The following VWF variants were observed in gnomAD, a reference collection of about 807,000 sequenced individuals.
VWF encodes the protein Factor VIII related antigen.
In VWF, 176 loss-of-function variants were observed where a neutral mutation model predicts 308.6. The ratio of observed to expected loss-of-function variants is 0.57; its 90% CI spans 0.50 to 0.65. The LOEUF is 0.65. VWF is among the 30% of genes least tolerant of loss of function. The pLI is 0.00. For missense variants in VWF, 3,146 were observed against 3,648.2 expected, an observed-to-expected ratio of 0.86 and a Z score of 3.55; for synonymous variants, 1,385 against 1,443.4, an observed-to-expected ratio of 0.96 and a Z score of 0.92.
chr12:6,000,778 C>G (rs1251641730), intron 34 of VWF, among the ~76,000 whole-genome samples: 1 of 138,400 alleles, frequency 7.2e-6, no homozygotes, highest in Non-Finnish European at 1.5e-5. Flanking sequence ...CGCCTCTGCA[C>G]TCCAGCCTGA....
chr12:6,090,666 C>CT (rs1945024677), intron 6 of VWF, among the ~76,000 whole-genome samples: 1 of 151,264 alleles, frequency 6.6e-6, no homozygotes, highest in African/African-American at 2.4e-5. Context: ...CATCATGGCT[C>CT]TTAACAGTTG....
At chr12:6,121,635 A>G (rs950309711) in intron 2 of VWF, among the ~76,000 whole-genome samples, 1 of 152,226 alleles carries the variant, frequency 6.6e-6, no homozygotes, top group African/African-American at 2.4e-5. Flanking sequence ...CATACAGAAG[A>G]AAACAAAGAA....
intron 36 of VWF, 30 bp from the exon 37 acceptor site, chr12:5,994,233 A>G: frequency 6.2e-7 from 1 of 1,612,784 alleles, no homozygotes; most frequent in Non-Finnish European, 8.5e-7. Flanking sequence ...AAAAAAAGAT[A>G]AACTGAGTGG....
At chr12:5,971,578 G>C in intron 44 of VWF, 21 bp downstream of exon 44, 2 of 1,606,028 alleles carry the variant, frequency 1.2e-6, no homozygotes, top group Non-Finnish European at 1.7e-6. Context: ...CCTCCTCCCC[G>C]TCCCGGGGGC....
intron 5 of VWF, among the ~76,000 whole-genome samples, chr12:6,103,371 T>TGTGTGTATACACGTGTGTGTATACAC (rs1249648271): frequency 7.4e-6 from 1 of 134,440 alleles, no homozygotes; most frequent in East Asian, 2.1e-4. Flanking sequence ...TATATATGTG[T>TGTGTGTATACACGTGTGTGTATACAC]GTGTGTGTAT....
chr12:5,978,903 AGCCCAGCACGCCTTATT>A (rs1943561456), intron 42 of VWF, among the ~76,000 whole-genome samples: 1 of 152,222 alleles, frequency 6.6e-6, no homozygotes, highest in Non-Finnish European at 1.5e-5. Context: ...GCCCAGGGTG[AGCCCAGCACGCCTTATT>A]GTTTCAGAAA....
rs1591848451 is a variant in VWF at position 5,994,032 on chromosome 12, A to C, written c.6428T>G (p.Leu2143Arg). Residue 2143 changes from leucine (L) to arginine (R), a missense_variant, in exon 37 of 52, where the codon CTC (leucine) becomes CGC (arginine). Transcript: ENST00000261405. ...VPDSSHCQVL[L>R]LPLFAECHKV... ...GTGGCATTCAGCAAACAGTGGTAAG[A>C]GGAGGACCTGGCAGTGGGAGCTGTC... is the stretch of plus-strand genomic sequence containing the variant. 2 of 1,614,178 alleles carry C rather than the reference A, an allele frequency of 1.2e-6. No individual in the cohort carries two copies. Among genetic ancestry groups the C allele is most frequent in the Admixed American group, 3.3e-5 (2 of 60,020 alleles).
rs765542489 is a variant in VWF at position 6,016,228 on chromosome 12, A to G, written c.5316T>C (p.Asp1772=). Residue 1772 remains aspartate (D), a synonymous_variant, in exon 31 of 52, where the codon GAT becomes GAC. Coordinates refer to ENST00000261405, the MANE Select transcript of VWF (RefSeq NM_000552.5). ...AGTATCGCACAGCAAAGCCCAAGGC[A>G]TCCCCTGAGGATGGAGAACAGATCA... is the stretch of plus-strand genomic sequence containing the variant. ...QREGGPSQIG[D]ALGFAVRYLT... 1 of 1,614,240 alleles carries G rather than the reference A, an allele frequency of 6.2e-7. No individual in the cohort carries two copies. The highest frequency in any genetic ancestry group is 8.5e-7 in the Non-Finnish European group (1 of 1,180,040).
At chr12:6,056,753 C>A in intron 15 of VWF, 104 bp downstream of exon 15, 1 of 1,030,684 alleles carries the variant, frequency 9.7e-7, no homozygotes, top group Non-Finnish European at 1.3e-6. Context: ...CAATGCCCTA[C>A]GCCCTCTTTC....
In VWF at chr12:6,019,876, C is replaced by G; in HGVS notation, c.3675-133G>C. ...CCACCTGAACTTGAGATCCCATGGACCATTCCACATCCAAGTGAGATGTCA... is the reference window on the plus strand; with the variant it reads ...CCACCTGAACTTGAGATCCCATGGAGCATTCCACATCCAAGTGAGATGTCA... On this transcript the variant is annotated intron_variant, in intron 27 of 51. Coordinates refer to ENST00000261405, the MANE Select transcript of VWF (RefSeq NM_000552.5). The surrounding 1 kb of genome is among the most constrained non-coding windows in gnomAD (Gnocchi z 5.8). 1 of 1,022,786 alleles carries G rather than the reference C, an allele frequency of 9.8e-7. No homozygotes were observed. Among genetic ancestry groups the G allele is most frequent in the Admixed American group, 2.0e-5 (1 of 50,190 alleles). 63.4% of individuals were successfully genotyped at this position (1,022,786 alleles called of 1,614,324 possible). A position where few individuals can be genotyped will look rare whatever the true frequency, so the allele number is the denominator to read the frequency against.
intron 10 of VWF, 67 bp downstream of exon 10, chr12:6,071,230 G>T: frequency 6.3e-7 from 1 of 1,584,402 alleles, no homozygotes; most frequent in Non-Finnish European, 8.7e-7. Flanking sequence ...TCCCTGTCTG[G>T]TAAGAGAGGA....
intron 34 of VWF, among the ~76,000 whole-genome samples, chr12:6,005,602 C>T (rs1224355025): frequency 6.6e-6 from 1 of 152,092 alleles, no homozygotes; most frequent in East Asian, 1.9e-4. Context: ...AAGACAAAAA[C>T]AGAATTTTGA....
chr12:6,079,353 T>C (rs768029477), intron 6 of VWF, among the ~76,000 whole-genome samples: 4 of 152,116 alleles, frequency 2.6e-5, no homozygotes, highest in South Asian at 2.1e-4. Flanking sequence ...ACACCTGTAA[T>C]CCCAGCACTT....
rs768614382 is a variant in VWF at position 5,949,796 on chromosome 12, T to C, written c.8243A>G (p.His2748Arg). 1.2e-6 allele frequency: 2 copies of C among 1,614,168 alleles called. No individual in the cohort carries two copies. The highest frequency in any genetic ancestry group is 1.7e-6 in the Non-Finnish European group (2 of 1,180,028). Residue 2748 changes from histidine to arginine, a missense_variant, in exon 51 of 52, where the codon CAC (histidine) becomes CGC (arginine). By Grantham distance (29) the His-to-Arg change is conservative (BLOSUM62 0). This residue lies in a region of VWF where 989 missense variants were observed against 1,117.4 expected (regional missense o/e 0.89). Coordinates refer to ENST00000261405, the MANE Select transcript of VWF (RefSeq NM_000552.5). ...AAGCAGAGCCCTTACCTGGCAGTAG[T>C]GGATATCCACCTCTACTTCAGACTT... ...SCKSEVEVDI[H>R]YCQGKCASKA...
intron 18 of VWF, among the ~76,000 whole-genome samples, chr12:6,036,791 C>T (rs985281126): frequency 2.0e-5 from 3 of 152,212 alleles, no homozygotes; most frequent in Non-Finnish European, 4.4e-5. Context: ...GGCACTGTAA[C>T]CTGGACATTT....
At chr12:6,093,555 C>T (rs1945073521) in intron 6 of VWF, among the ~76,000 whole-genome samples, 2 of 152,318 alleles carry the variant, frequency 1.3e-5, no homozygotes, top group East Asian at 3.9e-4. Flanking sequence ...ACGTCCCGCC[C>T]AGGGAGGCTG....
chr12:5,999,965 C>CA lies in VWF; in HGVS notation c.5843-3744dup, dbSNP rs199554272. Among the ~76,000 whole-genome samples the CA allele has an allele frequency of 2.6e-3, 378 of 142,850 alleles. 4 individuals carry two copies. Among genetic ancestry groups the CA allele is most frequent in the South Asian group, 0.016 (71 of 4,396 alleles). The allele number at this position is 142,850 out of a possible 152,430, so 93.7% of individuals were successfully genotyped here. A position where few individuals can be genotyped will look rare whatever the true frequency, so the allele number is the denominator to read the frequency against. On this transcript the variant is annotated intron_variant, in intron 34 of 51. Transcript: ENST00000261405. ...TTTAATAAAGAGCATCAGAGAAAAGCAAAAAAAAACCAATCAAGAGAATGA... is the reference window on the plus strand; with the variant it reads ...TTTAATAAAGAGCATCAGAGAAAAGCAAAAAAAAAACCAATCAAGAGAATGA...
chr12:5,959,283 G>A (rs1338357634), intron 47 of VWF, among the ~76,000 whole-genome samples: 1 of 152,172 alleles, frequency 6.6e-6, no homozygotes, highest in Non-Finnish European at 1.5e-5. Context: ...ACATAAGAAT[G>A]CTTAAGAGGG....
chr12:6,012,206 A>G, intron 32 of VWF, 76 bp from the exon 33 acceptor site: 11 of 1,502,856 alleles, frequency 7.3e-6, no homozygotes, highest in African/African-American at 5.6e-5. Flanking sequence ...TGTCTGCTTA[A>G]GCAACCTGGT....
Sources: gnomAD v4.1 joint callset for allele counts (sites outside exome capture counted in the v4.1 genomes callset) on GRCh38, gnomAD v4.1.1 for gene constraint, gnomAD v4.1.1 regional missense constraint, Gnocchi (gnomAD v3.1) non-coding constraint, MANE v1.5 for transcripts, NCBI Gene and HGNC (gene_info 2026-07-23, HGNC 2026-07-21) for gene names.